Variants in GDA observed in about 807,000 individuals in gnomAD.
GDA encodes the protein guanine deaminase.
In GDA, 18 loss-of-function variants were observed where a neutral mutation model predicts 59.6. That is an observed-to-expected ratio of 0.30 (90% CI 0.21 to 0.45). The LOEUF (loss-of-function observed/expected upper bound fraction) is 0.45, where lower values mean the gene tolerates loss of function less well. Ranked by LOEUF, GDA falls within the 20% of genes least tolerant of loss-of-function variation. The probability of loss-of-function intolerance (pLI) is 1.00; values close to 1 mark genes in which losing one functional copy is unlikely to be tolerated. For missense variants in GDA, 427 were observed against 552.3 expected (o/e 0.77, Z 2.27); for synonymous variants, 201 against 201.1 (o/e 1.00, Z 0.00).
chr9:72,157,160 C>T (rs1828008588), intron 1 of GDA, among the ~76,000 whole-genome samples: 1 of 151,654 alleles, frequency 6.6e-6, no homozygotes, highest in Non-Finnish European at 1.5e-5. Flanking sequence ...CTGCCTCAGC[C>T]TCCCGAGGAG....
Position 72,168,672 on chromosome 9 carries a change from T to A in GDA, c.123+18990T>A, listed in dbSNP as rs1010904458. On this transcript the variant is annotated intron_variant, in intron 1 of 13. Transcript: ENST00000358399. ...CCTCCCAAAGTGCTGATACCCTGTCTTCAAACAAACAAATGAAGAATGTAT... is the reference window on the plus strand; with the variant it reads ...CCTCCCAAAGTGCTGATACCCTGTCATCAAACAAACAAATGAAGAATGTAT... Among the ~76,000 whole-genome samples, 3 of 152,140 alleles carry A rather than the reference T, an allele frequency of 2.0e-5. No individual in the cohort carries two copies. In the South Asian group the frequency reaches 6.2e-4, roughly 31 times the overall value.
downstream of GDA, among the ~76,000 whole-genome samples, chr9:72,259,773 G>A (rs1840920181): frequency 6.6e-6 from 1 of 152,206 alleles, no homozygotes; most frequent in African/African-American, 2.4e-5. Context: ...CTTAAAGTCA[G>A]TGTAATCGAT....
intron 1 of GDA, among the ~76,000 whole-genome samples, chr9:72,138,558 A>C (rs1826327500): frequency 6.6e-6 from 1 of 152,208 alleles, no homozygotes; most frequent in African/African-American, 2.4e-5. Context: ...CATGCCAGGT[A>C]CTGCATTAAA....
At chr9:72,196,786 C>T (rs1438985904) in intron 2 of GDA, among the ~76,000 whole-genome samples, 3 of 150,456 alleles carry the variant, frequency 2.0e-5, no homozygotes, top group South Asian at 2.1e-4. Context: ...TGTTCCCTTC[C>T]CTGTGTCCAT....
intron 1 of GDA, among the ~76,000 whole-genome samples, chr9:72,116,812 C>T (rs1009290298): frequency 3.3e-5 from 5 of 152,138 alleles, no homozygotes; most frequent in Middle Eastern, 3.4e-3. Context: ...TTCTAGGGTA[C>T]ATGTGCACAA....
chr9:72,245,235 C>A lies in GDA; in HGVS notation c.1223C>A (p.Pro408His). 6.2e-7 allele frequency: 1 copy of A among 1,611,830 alleles called. No individual in the cohort carries two copies. The highest frequency in any genetic ancestry group is 8.5e-7 in the Non-Finnish European group (1 of 1,178,016). Residue 408 changes from proline (P) to histidine (H), a missense_variant, in exon 12 of 14, where the codon CCC becomes CAC. Physicochemically the swap from Pro to His is moderately conservative, Grantham distance 77. Transcript: ENST00000358399. ...ILINPKASDSPIDLFYGDFFG... is the reference protein window; with the variant it reads ...ILINPKASDSHIDLFYGDFFG... ...ATCAACCCCAAAGCATCCGACTCTC[C>A]CATTGACCTGTTTTATGGGGACTTT...
At chr9:72,224,076 G>A (rs1192617505) in intron 7 of GDA, among the ~76,000 whole-genome samples, 2 of 152,134 alleles carry the variant, frequency 1.3e-5, no homozygotes, top group African/African-American at 2.4e-5. Flanking sequence ...TTTCTCTGCT[G>A]GAGATAAAAT....
intron 10 of GDA, among the ~76,000 whole-genome samples, chr9:72,234,072 A>G (rs966515929): frequency 2.6e-5 from 4 of 152,332 alleles, no homozygotes; most frequent in African/African-American, 7.2e-5. Flanking sequence ...GTATATTCAT[A>G]TAATGAAATA....
chr9:72,254,331 A>T (rs1476130254), downstream of GDA, among the ~76,000 whole-genome samples: 1 of 152,188 alleles, frequency 6.6e-6, no homozygotes, highest in Non-Finnish European at 1.5e-5. Context: ...TTGGAGCAGG[A>T]GTATAGATAG....
intron 3 of GDA, among the ~76,000 whole-genome samples, chr9:72,206,814 G>A (rs944405313): frequency 2.0e-5 from 3 of 151,954 alleles, no homozygotes; most frequent in Non-Finnish European, 2.9e-5. Context: ...AATGAGCTTT[G>A]CTTTTTATTT....
At chr9:72,204,455 G>T (rs955434544) in intron 3 of GDA, among the ~76,000 whole-genome samples, 1 of 152,134 alleles carries the variant, frequency 6.6e-6, no homozygotes, top group Non-Finnish European at 1.5e-5. Flanking sequence ...CTACTGTGGG[G>T]GTCCATGCAT....
chr9:72,135,793 T>C (rs1011647577), intron 1 of GDA, among the ~76,000 whole-genome samples: 3 of 151,992 alleles, frequency 2.0e-5, no homozygotes, highest in Admixed American at 6.6e-5. Flanking sequence ...GTGTCTTCAG[T>C]GGAGACGGGG....
chr9:72,219,255 T>G (rs1402677818), intron 5 of GDA, among the ~76,000 whole-genome samples: 1 of 151,860 alleles, frequency 6.6e-6, no homozygotes, highest in Non-Finnish European at 1.5e-5. Flanking sequence ...ATACAAAAAT[T>G]AGCTGGACGT....
rs191838152 is a variant in GDA, at chr9:72,251,571, C to T, written c.*3229C>T. ...ATGGTGTGAGTTATTAATGGGTAAACTAAGAAGTGTTATAGGCAATGACTT... is the reference window on the plus strand; with the variant it reads ...ATGGTGTGAGTTATTAATGGGTAAATTAAGAAGTGTTATAGGCAATGACTT... On this transcript the variant is annotated 3_prime_UTR_variant, in exon 14 of 14. Transcript: ENST00000358399. 6.6e-6 allele frequency: 1 copy of T among 151,920 alleles called. No homozygotes were observed. The highest frequency in any genetic ancestry group is 2.4e-5 in the African/African-American group (1 of 41,334). 9.4% of individuals were successfully genotyped at this position (151,920 alleles called of 1,614,324 possible). A position where few individuals can be genotyped will look rare whatever the true frequency, so the allele number is the denominator to read the frequency against.
At chr9:72,143,861 A>G (rs571435397) in intron 1 of GDA, among the ~76,000 whole-genome samples, 22 of 152,192 alleles carry the variant, frequency 1.4e-4, no homozygotes, top group Non-Finnish European at 2.4e-4. Context: ...GGTATTTTTA[A>G]ATGTTCAAAT....
intron 1 of GDA, among the ~76,000 whole-genome samples, chr9:72,150,333 ACACG>A (rs911896635): frequency 2.0e-5 from 3 of 150,852 alleles, no homozygotes; most frequent in African/African-American, 4.9e-5. Context: ...ACACACACAC[ACACG>A]CACGCACACA....
At chr9:72,242,070 G>GTTATTCATT (rs1839678119) in intron 11 of GDA, among the ~76,000 whole-genome samples, 1 of 152,118 alleles carries the variant, frequency 6.6e-6, no homozygotes, top group African/African-American at 2.4e-5. Flanking sequence ...CACCACCACT[G>GTTATTCATT]TTATTCATTT....
At chr9:72,167,395 C>A (rs554391574) in intron 1 of GDA, among the ~76,000 whole-genome samples, 2 of 152,132 alleles carry the variant, frequency 1.3e-5, no homozygotes, top group African/African-American at 2.4e-5. Flanking sequence ...TGCCAATAAT[C>A]GTTGTCTCAG....
chr9:72,247,521 C>A, intron 13 of GDA, 88 bp downstream of exon 13: 2 of 736,206 alleles, frequency 2.7e-6, no homozygotes, highest in South Asian at 1.6e-5. Flanking sequence ...TTTATCCTAC[C>A]ATATATTAAA....
Sources: gnomAD v4.1 joint callset for allele counts (sites outside exome capture counted in the v4.1 genomes callset) on GRCh38, gnomAD v4.1.1 for gene constraint, MANE v1.5 for transcripts, NCBI Gene and HGNC (gene_info 2026-07-23, HGNC 2026-07-21) for gene names.